Variants in CNR2 observed in about 807,000 individuals in gnomAD.
The protein encoded by CNR2 is cannabinoid receptor 2 (macrophage).
For synonymous variants in CNR2, 172 were observed against 182.2 expected (o/e 0.94, Z 0.45); for missense variants, 379 against 439.9 (o/e 0.86, Z 1.24).
chr1:23,894,943 G>A (rs2148466274), intron 1 of CNR2, among the ~76,000 whole-genome samples: 2 of 152,124 alleles, frequency 1.3e-5, no homozygotes, highest in Admixed American at 1.3e-4. Flanking sequence ...AACACTGCCG[G>A]GCATGGTGGC....
intron 1 of CNR2, among the ~76,000 whole-genome samples, chr1:23,909,283 T>C: frequency 6.6e-6 from 1 of 152,104 alleles, no homozygotes; most frequent in Non-Finnish European, 1.5e-5. Context: ...GTACATCCTT[T>C]CTCTCCCCAG....
At position 23,874,753 on chromosome 1, in the gene CNR2, G is replaced by A; in HGVS notation, c.865C>T (p.Leu289Phe). The A allele has an allele frequency of 6.2e-7, 1 of 1,614,172 alleles. No homozygotes were observed. The highest frequency in any genetic ancestry group is 8.5e-7 in the Non-Finnish European group (1 of 1,180,028). The change falls in exon 2 of 2, where the codon CTC (leucine) becomes TTC (phenylalanine). Residue 289 changes from leucine (L) to phenylalanine (F), a missense_variant. By Grantham distance (22) the Leu-to-Phe change is conservative (BLOSUM62 0). Coordinates refer to ENST00000374472, the MANE Select transcript of CNR2 (RefSeq NM_001841.3). ...ACAGGGTTGACCATGGAGTTGATGAGGCACAGCATGGAGCAGAAAGCAAAG... is the reference window on the plus strand; with the variant it reads ...ACAGGGTTGACCATGGAGTTGATGAAGCACAGCATGGAGCAGAAAGCAAAG... ...KAFAFCSMLC[L>F]INSMVNPVIY...
intron 1 of CNR2, among the ~76,000 whole-genome samples, chr1:23,891,212 C>T (rs1476054378): frequency 6.6e-6 from 1 of 151,836 alleles, no homozygotes; most frequent in African/African-American, 2.4e-5. Context: ...CCCTTGATTG[C>T]AGTTGTAATA....
At chr1:23,902,210 G>A in intron 1 of CNR2, 4 of 1,095,910 alleles carry the variant, frequency 3.6e-6, no homozygotes, top group Non-Finnish European at 5.0e-6. Flanking sequence ...GCCTCCTGGT[G>A]TTGAGGGCCT....
intron 1 of CNR2, among the ~76,000 whole-genome samples, chr1:23,879,919 T>C (rs1006362894): frequency 2.0e-5 from 3 of 152,168 alleles, no homozygotes; most frequent in African/African-American, 4.8e-5. Context: ...TAGTCCACTA[T>C]GTAAAAGCCA....
chr1:23,907,038 T>G (rs1330854738), intron 1 of CNR2: 2 of 151,838 alleles, frequency 1.3e-5, no homozygotes, highest in African/African-American at 4.8e-5. Flanking sequence ...TGAAATGTTG[T>G]GAAGTAGTAG....
rs774243629 is a variant in CNR2 at position 23,883,338 on chromosome 1, G to A, written c.-45-7676C>T. ...TTGACGATACATCAATTGCAGTCCC[G>A]GGAATACGTTCTGGAGGAACTCCTG... On this transcript the variant is annotated intron_variant, in intron 1 of 1. Transcript: ENST00000374472. 3.3e-5 allele frequency among the ~76,000 whole-genome samples: 5 copies of A among 152,194 alleles called. No individual in the cohort carries two copies. In the South Asian group the frequency reaches 6.2e-4, roughly 19 times the overall value.
At chr1:23,889,085 A>C (rs999368588) in intron 1 of CNR2, among the ~76,000 whole-genome samples, 25 of 152,178 alleles carry the variant, frequency 1.6e-4, no homozygotes, top group Admixed American at 1.6e-3. Flanking sequence ...CACTTCACAT[A>C]GGGAGCGTCC....
intron 1 of CNR2, among the ~76,000 whole-genome samples, chr1:23,898,335 C>CCTTTTT (rs1230917304): frequency 9.2e-6 from 1 of 108,198 alleles, no homozygotes; most frequent in Non-Finnish European, 1.8e-5. Context: ...CCGCGCCCGG[C>CCTTTTT]TTTTTTTTTT....
intron 1 of CNR2, among the ~76,000 whole-genome samples, chr1:23,891,491 T>C (rs12752830): frequency 0.85 from 128,035 of 151,348 alleles, 54,257 homozygotes; most frequent in Admixed American, 0.86. Context: ...TGGTGGTGGG[T>C]GCCTGTAATC....
chr1:23,903,539 C>A (rs1364340660), intron 1 of CNR2, among the ~76,000 whole-genome samples: 1 of 148,912 alleles, frequency 6.7e-6, no homozygotes, highest in East Asian at 2.0e-4. Flanking sequence ...TGCCACTGCA[C>A]TCCAGCCTGG....
intron 1 of CNR2, among the ~76,000 whole-genome samples, chr1:23,887,857 A>T (rs200861893): frequency 2.8e-4 from 1 of 3,624 alleles, no homozygotes; most frequent in South Asian, 6.8e-3. Context: ...AGTTAAAGTT[A>T]AAAAAAAAAA....
chr1:23,902,088 G>C, intron 1 of CNR2: 1 of 1,509,308 alleles, frequency 6.6e-7, no homozygotes, highest in Non-Finnish European at 9.2e-7. Flanking sequence ...TTGGAATTCG[G>C]ATCAGATAGA....
intron 1 of CNR2, among the ~76,000 whole-genome samples, chr1:23,886,319 G>A (rs1168123230): frequency 6.6e-6 from 1 of 152,010 alleles, no homozygotes; most frequent in Non-Finnish European, 1.5e-5. Flanking sequence ...CATAACCCCT[G>A]TTTATAAAAC....
intron 1 of CNR2, among the ~76,000 whole-genome samples, chr1:23,878,643 T>C (rs1639928933): frequency 6.6e-6 from 1 of 152,186 alleles, no homozygotes; most frequent in Non-Finnish European, 1.5e-5. Context: ...CCTCCCAAAG[T>C]GCTGGGATTA....
intron 1 of CNR2, among the ~76,000 whole-genome samples, chr1:23,886,057 G>A (rs567214156): frequency 4.6e-5 from 7 of 150,854 alleles, no homozygotes; most frequent in African/African-American, 1.2e-4. Context: ...GTGTGGTGGC[G>A]CACACCTGTA....
At chr1:23,889,019 C>G (rs776898862) in intron 1 of CNR2, among the ~76,000 whole-genome samples, 49 of 152,078 alleles carry the variant, frequency 3.2e-4, no homozygotes, top group Non-Finnish European at 4.9e-4. Flanking sequence ...AGTGAACCAC[C>G]ATGACCAAGT....
chr1:23,874,864 C>A lies in CNR2; in HGVS notation c.754G>T (p.Ala252Ser). 6.2e-7 allele frequency: 1 copy of A among 1,614,062 alleles called. No homozygotes were observed. Among genetic ancestry groups the A allele is most frequent in the Non-Finnish European group, 8.5e-7 (1 of 1,179,928 alleles). Residue 252 changes from alanine (A) to serine (S), a missense_variant, in exon 2 of 2, where the codon GCT becomes TCT. Coordinates refer to ENST00000374472, the MANE Select transcript of CNR2 (RefSeq NM_001841.3). ...RLAKTLGLVL[A>S]VLLICWFPVL... is the part of the protein sequence containing the mutation. ...GGGAACCAACAGATGAGGAGCACAG[C>A]CAACACTAGCCCTAGGGTCTTGGCC...
chr1:23,912,068 C>T (rs577092584), intron 1 of CNR2, among the ~76,000 whole-genome samples: 29 of 152,278 alleles, frequency 1.9e-4, no homozygotes, highest in African/African-American at 6.5e-4. Flanking sequence ...TGCTGCTGCC[C>T]GCCCTGTGCC....
Sources: allele counts gnomAD v4.1 joint callset (sites outside exome capture counted in the v4.1 genomes callset), GRCh38; gene constraint gnomAD v4.1.1; transcripts MANE v1.5; gene names NCBI Gene and HGNC (gene_info 2026-07-23, HGNC 2026-07-21).